The following MEI4 variants were observed in gnomAD, a reference collection of about 807,000 sequenced individuals.
MEI4 encodes meiosis-specific protein MEI4.
Under a neutral mutation model 31.4 loss-of-function variants are expected in MEI4, and 27 were observed. That is an observed-to-expected ratio of 0.86 (90% CI 0.63 to 1.19). The LOEUF is 1.19. MEI4 is among the 50% of genes most tolerant of loss of function. The pLI, the probability that MEI4 is intolerant of heterozygous loss-of-function variation, is 0.00. For missense variants in MEI4, 329 were observed against 398.9 expected (o/e 0.82, Z 1.49); for synonymous variants, 122 against 145.4 (o/e 0.84, Z 1.16).
chr6:77,894,437 G>A (rs1439885807), intron 4 of MEI4, among the ~76,000 whole-genome samples: 3 of 151,770 alleles, frequency 2.0e-5, no homozygotes, highest in Non-Finnish European at 4.4e-5. Context: ...ATAAGAATAC[G>A]GAATACATAC....
chr6:77,754,631 T>G (rs1767865913), intron 2 of MEI4, among the ~76,000 whole-genome samples: 1 of 152,196 alleles, frequency 6.6e-6, no homozygotes, highest in Non-Finnish European at 1.5e-5. Context: ...CAATTTCTTG[T>G]ATTAGTTCAT....
intron 1 of MEI4, among the ~76,000 whole-genome samples, chr6:77,658,462 A>G (rs962133151): frequency 2.0e-5 from 3 of 152,116 alleles, no homozygotes; most frequent in Non-Finnish European, 4.4e-5. Context: ...GAGGCCTGAC[A>G]TTCCTGCCTT....
At chr6:77,759,397 T>C (rs890983089) in intron 2 of MEI4, among the ~76,000 whole-genome samples, 1 of 152,176 alleles carries the variant, frequency 6.6e-6, no homozygotes, top group Non-Finnish European at 1.5e-5. Flanking sequence ...ACTCCTAAAA[T>C]GCATTTTCAG....
chr6:77,851,835 A>G (rs1464849678), intron 4 of MEI4, among the ~76,000 whole-genome samples: 1 of 152,104 alleles, frequency 6.6e-6, no homozygotes. Context: ...TAGCTTCTAA[A>G]AGAGTGAACT....
chr6:77,793,758 G>T (rs1396026669), intron 3 of MEI4, among the ~76,000 whole-genome samples: 1 of 152,106 alleles, frequency 6.6e-6, no homozygotes, highest in East Asian at 1.9e-4. Flanking sequence ...ATGCAAGCTT[G>T]TGACATCACA....
chr6:77,798,885 T>A (rs1176481405), intron 3 of MEI4, among the ~76,000 whole-genome samples: 2 of 151,852 alleles, frequency 1.3e-5, no homozygotes, highest in African/African-American at 4.8e-5. Context: ...CTTAATCCAG[T>A]CTATCATTGT....
intron 4 of MEI4, among the ~76,000 whole-genome samples, chr6:77,864,984 G>A (rs555633851): frequency 6.6e-6 from 1 of 152,086 alleles, no homozygotes; most frequent in Non-Finnish European, 1.5e-5. Context: ...AATGACTACT[G>A]GGTACATAAT....
intron 2 of MEI4, among the ~76,000 whole-genome samples, chr6:77,696,976 C>A (rs941151886): frequency 1.4e-4 from 21 of 152,168 alleles, no homozygotes; most frequent in Middle Eastern, 3.2e-3. Flanking sequence ...GATTCAACTT[C>A]TTCTTGGTTT....
chr6:77,795,026 A>C (rs1297919663), intron 3 of MEI4, among the ~76,000 whole-genome samples: 1 of 152,202 alleles, frequency 6.6e-6, no homozygotes, highest in Non-Finnish European at 1.5e-5. Flanking sequence ...ATTAAGATGA[A>C]GAAAAATAGA....
intron 4 of MEI4, among the ~76,000 whole-genome samples, chr6:77,863,740 A>G (rs911805921): frequency 2.6e-5 from 4 of 152,164 alleles, no homozygotes; most frequent in African/African-American, 9.7e-5. Flanking sequence ...TGCCACAAAG[A>G]TACTCCTCGA....
At chr6:77,890,871 T>G (rs1771750083) in intron 4 of MEI4, among the ~76,000 whole-genome samples, 1 of 152,162 alleles carries the variant, frequency 6.6e-6, no homozygotes, top group Non-Finnish European at 1.5e-5. Flanking sequence ...CTGGCACATC[T>G]TCTTCCTGCT....
At chr6:77,703,540 T>G (rs1763372396) in intron 2 of MEI4, among the ~76,000 whole-genome samples, 1 of 152,236 alleles carries the variant, frequency 6.6e-6, no homozygotes, top group Admixed American at 6.5e-5. Context: ...CAATCATCTT[T>G]ATATTTAGGA....
intron 4 of MEI4, among the ~76,000 whole-genome samples, chr6:77,838,598 T>C (rs1770280182): frequency 6.6e-6 from 1 of 151,920 alleles, no homozygotes; most frequent in Non-Finnish European, 1.5e-5. Context: ...AATTTGAAAA[T>C]AAATATAAAA....
At chr6:77,661,337 A>G (rs983032088) in intron 1 of MEI4, among the ~76,000 whole-genome samples, 2 of 152,002 alleles carry the variant, frequency 1.3e-5, no homozygotes, top group Non-Finnish European at 2.9e-5. Flanking sequence ...ATCAGACTGT[A>G]TAGAGGTGGG....
chr6:77,727,328 T>A (rs1003353733), intron 2 of MEI4, among the ~76,000 whole-genome samples: 2 of 152,326 alleles, frequency 1.3e-5, no homozygotes, highest in Non-Finnish European at 2.9e-5. Flanking sequence ...AACACTATCA[T>A]TTGTCCTCAG....
chr6:77,865,191 C>T (rs1348951016), intron 4 of MEI4, among the ~76,000 whole-genome samples: 4 of 152,102 alleles, frequency 2.6e-5, no homozygotes, highest in Admixed American at 6.5e-5. Context: ...CAAGAGCAAA[C>T]ATATTCAAAA....
In MEI4 at chr6:77,828,952, T is replaced by C. The variant is rs923723123; in HGVS notation, c.790T>C (p.Ser264Pro). The change falls in exon 4 of 5, where the codon TCT becomes CCT. Residue 264 changes from serine (S) to proline (P), a missense_variant. Ser to Pro is a moderately conservative substitution (Grantham distance 74, BLOSUM62 -1). Transcript: ENST00000684080. ...INQFQVQHYV[S>P]QSLVTLGNCS... ...TTAGTTTCAGGTGCAGCATTATGTC[T>C]CTCAGAGTCTGGTTACCTTGGGAAA... is the stretch of plus-strand genomic sequence containing the variant. 1 of 1,232,224 alleles carries C rather than the reference T, an allele frequency of 8.1e-7. No homozygotes were observed. Among genetic ancestry groups the C allele is most frequent in the Admixed American group, 4.2e-5 (1 of 23,692 alleles). The allele number at this position is 1,232,224 out of a possible 1,614,324, so 76.3% of individuals were successfully genotyped here. A position where few individuals can be genotyped will look rare whatever the true frequency, so the allele number is the denominator to read the frequency against.
chr6:77,877,787 A>T (rs1771380257), intron 4 of MEI4, among the ~76,000 whole-genome samples: 1 of 146,862 alleles, frequency 6.8e-6, no homozygotes, highest in Non-Finnish European at 1.5e-5. Flanking sequence ...TGTGAGAATG[A>T]TTCTCCCTCC....
chr6:77,923,446 T>TTCAA lies in MEI4; in HGVS notation c.*101_*102insCAAT. 1 of 913,236 alleles carries TTCAA rather than the reference T, an allele frequency of 1.1e-6. No homozygotes were observed. Among genetic ancestry groups the TTCAA allele is most frequent in the Non-Finnish European group, 1.4e-6 (1 of 699,472 alleles). 56.6% of individuals were successfully genotyped at this position (913,236 alleles called of 1,614,324 possible). On this transcript the variant is annotated 3_prime_UTR_variant, in exon 5 of 5. Coordinates refer to ENST00000684080, the MANE Select transcript of MEI4 (RefSeq NM_001322247.2). Reference sequence around the variant, plus strand: ...TTTCAATAGTATTTTAATTAGCATTTTAGAATTGATCTCTAAATATAATTA... The same window carrying TTCAA: ...TTTCAATAGTATTTTAATTAGCATTTTCAATAGAATTGATCTCTAAATATAATTA...
Sources: allele counts gnomAD v4.1 joint callset (sites outside exome capture counted in the v4.1 genomes callset), GRCh38; gene constraint gnomAD v4.1.1; transcripts MANE v1.5; gene names NCBI Gene and HGNC (gene_info 2026-07-23, HGNC 2026-07-21).